The following WDR72 variants were observed in gnomAD, a reference collection of about 807,000 sequenced individuals.
The protein encoded by WDR72 is WD repeat-containing protein 72.
Under a neutral mutation model 124.2 loss-of-function variants are expected in WDR72, and 120 were observed. That is an observed-to-expected ratio of 0.97 (90% CI 0.83 to 1.12). The LOEUF is 1.12. Among genes scored for constraint, WDR72 ranks in the 50% most tolerant of loss-of-function variants. The pLI is 0.00. For synonymous variants in WDR72, 452 were observed against 441.7 expected, an observed-to-expected ratio of 1.02 and a Z score of -0.29; for missense variants, 1,387 against 1,278.8, an observed-to-expected ratio of 1.08 and a Z score of -1.29.
intron 12 of WDR72, among the ~76,000 whole-genome samples, chr15:53,701,102 T>A (rs1400311052): frequency 6.6e-6 from 1 of 151,994 alleles, no homozygotes; most frequent in African/African-American, 2.4e-5. Context: ...TTAAGTCAAC[T>A]TTACAAAAGC....
At chr15:53,692,905 A>G (rs2016887145) in intron 13 of WDR72, among the ~76,000 whole-genome samples, 1 of 152,168 alleles carries the variant, frequency 6.6e-6, no homozygotes, top group Non-Finnish European at 1.5e-5. Flanking sequence ...ACTTTAATGT[A>G]TCCTATTTTT....
intron 16 of WDR72, among the ~76,000 whole-genome samples, chr15:53,610,450 C>A (rs2013490188): frequency 6.6e-6 from 1 of 151,874 alleles, no homozygotes. Flanking sequence ...AAAGTTGTTA[C>A]TATAATTGTC....
At chr15:53,596,845 T>C (rs186208765) in intron 18 of WDR72, among the ~76,000 whole-genome samples, 2 of 152,314 alleles carry the variant, frequency 1.3e-5, no homozygotes, top group Admixed American at 1.3e-4. Context: ...TAAGTAGCGA[T>C]GCTCCTCAAG....
intron 13 of WDR72, among the ~76,000 whole-genome samples, chr15:53,685,724 C>T (rs181403370): frequency 6.6e-6 from 1 of 151,346 alleles, no homozygotes; most frequent in African/African-American, 2.4e-5. Flanking sequence ...CGCAAAGATA[C>T]TCCTCGAGAA....
At position 53,541,375 on chromosome 15, in the gene WDR72, A is replaced by G. The variant is rs112730680; in HGVS notation, c.3149-18053T>C. Among the ~76,000 whole-genome samples, 615 of 152,174 alleles carry G rather than the reference A, an allele frequency of 4.0e-3. 1 individual carries two copies. The highest frequency in any genetic ancestry group is 0.014 in the African/African-American group (586 of 41,496). On this transcript the variant is annotated intron_variant, in intron 18 of 19. Coordinates refer to ENST00000360509, the MANE Select transcript of WDR72 (RefSeq NM_182758.4). ...GCCTAACTGGGAGGCACCCCCCAGC[A>G]GGGGCACACTGATACCTCACAAGGC...
intron 14 of WDR72, among the ~76,000 whole-genome samples, chr15:53,660,979 T>C (rs549406666): frequency 6.6e-6 from 1 of 152,288 alleles, no homozygotes; most frequent in South Asian, 2.1e-4. Context: ...GTAGACTGTC[T>C]AGATCATAAA....
intron 18 of WDR72, among the ~76,000 whole-genome samples, chr15:53,544,601 C>CA (rs1285967636): frequency 2.7e-5 from 4 of 149,056 alleles, no homozygotes; most frequent in Non-Finnish European, 5.9e-5. Flanking sequence ...AAAAGTGGCA[C>CA]AAGACAGGGA....
At chr15:53,559,690 A>C (rs941663669) in intron 18 of WDR72, among the ~76,000 whole-genome samples, 1 of 151,988 alleles carries the variant, frequency 6.6e-6, no homozygotes, top group Non-Finnish European at 1.5e-5. Context: ...GCGGCCATAA[A>C]GTTGGTGTTT....
At chr15:53,543,182 A>G (rs1276775820) in intron 18 of WDR72, among the ~76,000 whole-genome samples, 2 of 145,486 alleles carry the variant, frequency 1.4e-5, no homozygotes, top group African/African-American at 5.1e-5. Context: ...CCAAATCAAC[A>G]GAATATACAT....
chr15:53,587,685 T>A (rs1218861963), intron 18 of WDR72, among the ~76,000 whole-genome samples: 1 of 152,038 alleles, frequency 6.6e-6, no homozygotes, highest in African/African-American at 2.4e-5. Context: ...ATTTCAAGAC[T>A]GACCTCATTC....
At chr15:53,644,262 A>G (rs1449161385) in intron 14 of WDR72, among the ~76,000 whole-genome samples, 2 of 152,054 alleles carry the variant, frequency 1.3e-5, no homozygotes, top group Admixed American at 6.6e-5. Flanking sequence ...TGTGCTTGCA[A>G]TTAGGAAAGT....
chr15:53,574,725 C>T (rs1894688157), intron 18 of WDR72, among the ~76,000 whole-genome samples: 1 of 151,974 alleles, frequency 6.6e-6, no homozygotes, highest in Non-Finnish European at 1.5e-5. Context: ...TTTTATGTAA[C>T]AAATGACATC....
At chr15:53,654,007 C>CA (rs2015331695) in intron 14 of WDR72, among the ~76,000 whole-genome samples, 1 of 152,144 alleles carries the variant, frequency 6.6e-6, no homozygotes, top group Non-Finnish European at 1.5e-5. Context: ...GAAATCAACA[C>CA]AAAATTACCA....
At chr15:53,670,988 G>A (rs1196593547) in intron 13 of WDR72, among the ~76,000 whole-genome samples, 6 of 152,266 alleles carry the variant, frequency 3.9e-5, no homozygotes, top group Middle Eastern at 3.4e-3. Context: ...CACAGGCTAC[G>A]TTACAATCAA....
chr15:53,577,915 A>G (rs2011698522), intron 18 of WDR72, among the ~76,000 whole-genome samples: 1 of 152,132 alleles, frequency 6.6e-6, no homozygotes, highest in Non-Finnish European at 1.5e-5. Flanking sequence ...ATTTTCTATA[A>G]TATTGGTTTG....
In WDR72 at chr15:53,515,081, A is replaced by ATATATATATG. The variant is rs1891383516; in HGVS notation, c.*2617_*2618insCATATATATA. On this transcript the variant is annotated 3_prime_UTR_variant, in exon 20 of 20. Coordinates refer to ENST00000360509, the MANE Select transcript of WDR72 (RefSeq NM_182758.4). ...TATATATATACACACATATATATGT[A>ATATATATATG]TGTATACACACACACACACACACAC... 3 of 24,810 alleles carry ATATATATATG rather than the reference A, an allele frequency of 1.2e-4. No homozygotes were observed. The highest frequency in any genetic ancestry group is 1.0e-3 in the Admixed American group (2 of 1,996). The allele number at this position is 24,810 out of a possible 1,614,324, so 1.5% of individuals were successfully genotyped here.
intron 16 of WDR72, among the ~76,000 whole-genome samples, chr15:53,612,420 T>A (rs2013580545): frequency 6.6e-6 from 1 of 152,034 alleles, no homozygotes; most frequent in African/African-American, 2.4e-5. Flanking sequence ...GCTGCAGTGA[T>A]AAAGTGGCAT....
At chr15:53,716,078 T>C (rs956219409) in intron 4 of WDR72, among the ~76,000 whole-genome samples, 1 of 152,158 alleles carries the variant, frequency 6.6e-6, no homozygotes. Flanking sequence ...GTGTAAAATA[T>C]TTTAAAACAC....
intron 2 of WDR72, among the ~76,000 whole-genome samples, chr15:53,729,780 C>T (rs2018147224): frequency 6.6e-6 from 1 of 151,834 alleles, no homozygotes; most frequent in Non-Finnish European, 1.5e-5. Flanking sequence ...CCACTTAACA[C>T]CCATTAGAAT....
Sources: gnomAD v4.1 joint callset for allele counts (sites outside exome capture counted in the v4.1 genomes callset) on GRCh38, gnomAD v4.1.1 for gene constraint, MANE v1.5 for transcripts, NCBI Gene and HGNC (gene_info 2026-07-23, HGNC 2026-07-21) for gene names.